The following DIXDC1 variants were observed in gnomAD, a reference collection of about 807,000 sequenced individuals.
The protein encoded by DIXDC1 is DIX domain containing 1, also known as dixin.
Under a neutral mutation model 103.1 loss-of-function variants are expected in DIXDC1, and 64 were observed. The observed-to-expected ratio is 0.62, with a 90% CI of 0.51 to 0.76. The LOEUF is 0.76. DIXDC1 is among the 30% of genes least tolerant of loss of function. The probability of loss-of-function intolerance (pLI) is 0.00; values close to 1 mark genes in which losing one functional copy is unlikely to be tolerated. For synonymous variants in DIXDC1, 266 were observed against 298.5 expected (o/e 0.89, Z 1.12); for missense variants, 759 against 834.2 (o/e 0.91, Z 1.11).
chr11:111,990,102 T>A (rs75396301), intron 10 of DIXDC1, among the ~76,000 whole-genome samples: 3 of 115,876 alleles, frequency 2.6e-5, no homozygotes, highest in African/African-American at 6.5e-5. Flanking sequence ...TTTTTTTTTT[T>A]AATGTTGACA....
chr11:111,970,294 A>AT (rs2137524208), intron 3 of DIXDC1, among the ~76,000 whole-genome samples: 1 of 152,236 alleles, frequency 6.6e-6, no homozygotes, highest in African/African-American at 2.4e-5. Context: ...ACCTCAAGTG[A>AT]TCCACCTGCC....
At chr11:111,936,728 C>A (rs1457916432), upstream of DIXDC1, among the ~76,000 whole-genome samples, 1 of 152,128 alleles carries the variant, frequency 6.6e-6, no homozygotes, top group Admixed American at 6.5e-5. Flanking sequence ...CTTGACCTCA[C>A]TGTCCAGGGC....
At chr11:111,940,235 A>G (rs146748905) in intron 1 of DIXDC1, among the ~76,000 whole-genome samples, 58 of 152,334 alleles carry the variant, frequency 3.8e-4, no homozygotes, top group African/African-American at 1.3e-3. Flanking sequence ...CATTTCCTAC[A>G]CAGAGCCCTG....
intron 1 of DIXDC1, among the ~76,000 whole-genome samples, chr11:111,956,831 A>T (rs1315440744): frequency 1.3e-5 from 2 of 152,144 alleles, no homozygotes; most frequent in Admixed American, 6.6e-5. Context: ...GCAGAAATAA[A>T]AAATAAAGTA....
chr11:111,961,420 T>C (rs1352205708), intron 1 of DIXDC1, among the ~76,000 whole-genome samples: 1 of 152,228 alleles, frequency 6.6e-6, no homozygotes, highest in African/African-American at 2.4e-5. Context: ...TTTCACCGTT[T>C]TGTGTCTCTG....
At chr11:111,981,362 C>A (rs1860301457) in intron 6 of DIXDC1, among the ~76,000 whole-genome samples, 1 of 152,122 alleles carries the variant, frequency 6.6e-6, no homozygotes, top group Admixed American at 6.5e-5. Flanking sequence ...TTTATTTTTT[C>A]TTACATAGAG....
At chr11:111,955,876 A>G (rs1446794210) in intron 1 of DIXDC1, among the ~76,000 whole-genome samples, 3 of 144,338 alleles carry the variant, frequency 2.1e-5, no homozygotes, top group Non-Finnish European at 4.5e-5. Context: ...TTGAAGTGAT[A>G]TTTATATACT....
intron 3 of DIXDC1, among the ~76,000 whole-genome samples, chr11:111,972,561 T>C (rs1431765565): frequency 6.6e-6 from 1 of 152,132 alleles, no homozygotes; most frequent in African/African-American, 2.4e-5. Context: ...TAGGATAAAA[T>C]CCAGAGTCCT....
At chr11:112,004,204 A>T (rs1022689699) in intron 17 of DIXDC1, among the ~76,000 whole-genome samples, 1 of 151,848 alleles carries the variant, frequency 6.6e-6, no homozygotes, top group Admixed American at 6.6e-5. Flanking sequence ...TTAATAAAAT[A>T]TGCTTTTGGT....
upstream of DIXDC1, chr11:111,937,227 G>T (rs1000501792): frequency 7.4e-5 from 87 of 1,172,206 alleles, no homozygotes; most frequent in South Asian, 4.4e-4. Flanking sequence ...GGGGCTGGGG[G>T]CAGCCCGGCA....
chr11:111,928,687 C>G (rs1965916418), intron 1 of DIXDC1, among the ~76,000 whole-genome samples: 1 of 150,192 alleles, frequency 6.7e-6, no homozygotes, highest in Non-Finnish European at 1.5e-5. Context: ...CGCTTGAACC[C>G]GAGAGGCGAG....
At chr11:111,974,801 G>T in intron 4 of DIXDC1, 75 bp from the exon 5 acceptor site, 1 of 1,565,080 alleles carries the variant, frequency 6.4e-7, no homozygotes, top group South Asian at 1.2e-5. Flanking sequence ...CAGAGTGGCA[G>T]TCTCTCTGTA....
chr11:111,969,927 A>C (rs1242076667), intron 3 of DIXDC1, among the ~76,000 whole-genome samples: 1 of 152,208 alleles, frequency 6.6e-6, no homozygotes, highest in African/African-American at 2.4e-5. Flanking sequence ...AAGTTAAACT[A>C]TCTCTCTTCA....
At chr11:112,018,828 C>A in intron 19 of DIXDC1, 128 bp from the exon 20 acceptor site, 3 of 677,866 alleles carry the variant, frequency 4.4e-6, no homozygotes, top group South Asian at 2.2e-5. Context: ...GGGACAAGAC[C>A]AAAAGGACAT....
chr11:111,932,454 CG>C (rs1566443920), upstream of DIXDC1, among the ~76,000 whole-genome samples: 1 of 151,646 alleles, frequency 6.6e-6, no homozygotes, highest in Non-Finnish European at 1.5e-5. Context: ...GGCGTGGTGG[CG>C]GACGCCTGTA....
chr11:111,957,096 C>G (rs587683096), intron 1 of DIXDC1, among the ~76,000 whole-genome samples: 1 of 152,168 alleles, frequency 6.6e-6, no homozygotes, highest in South Asian at 2.1e-4. Context: ...TTGCTTGAGC[C>G]CAGGAAGTTA....
At position 111,968,560 on chromosome 11, in the gene DIXDC1, G is replaced by C. The variant is rs1225198830; in HGVS notation, c.238G>C (p.Glu80Gln). 6.2e-7 allele frequency: 1 copy of C among 1,613,078 alleles called. No homozygotes were observed. The highest frequency in any genetic ancestry group is 8.5e-7 in the Non-Finnish European group (1 of 1,179,540). ...GVQLSPGNQQ[E>Q]MKNNVEKVLQ... The stretch of plus-strand genomic sequence containing the variant: ...ACAGCTGAGTCCCGGTAACCAACAG[G>C]AGATGAAGAATAATGTGGAGAAAGT... Residue 80 changes from glutamate (E) to glutamine (Q), a missense_variant, in exon 3 of 20, where the codon GAG (glutamate) becomes CAG (glutamine). Coordinates refer to ENST00000440460, the MANE Select transcript of DIXDC1 (RefSeq NM_001037954.4).
At chr11:111,956,550 C>T (rs1366109408) in intron 1 of DIXDC1, among the ~76,000 whole-genome samples, 4 of 152,096 alleles carry the variant, frequency 2.6e-5, no homozygotes, top group Non-Finnish European at 5.9e-5. Flanking sequence ...AGTGCAATGG[C>T]ACAGTTTTGG....
At chr11:111,932,582 G>A (rs587770414), upstream of DIXDC1, among the ~76,000 whole-genome samples, 6 of 140,574 alleles carry the variant, frequency 4.3e-5, no homozygotes, top group Middle Eastern at 3.6e-3. Flanking sequence ...GCGAGACTCC[G>A]TCTCAAAAAA....
Sources: allele counts gnomAD v4.1 joint callset (sites outside exome capture counted in the v4.1 genomes callset), GRCh38; gene constraint gnomAD v4.1.1; transcripts MANE v1.5; gene names NCBI Gene and HGNC (gene_info 2026-07-23, HGNC 2026-07-21).